SEMA6D: variants seen among roughly 807,000 people sequenced by gnomAD.
SEMA6D encodes the protein semaphorin 6D.
A neutral mutation model predicts 106.6 loss-of-function variants in SEMA6D; 35 were observed. That is an observed-to-expected ratio of 0.33 (90% CI 0.25 to 0.44). SEMA6D has a LOEUF of 0.44. Among genes scored for constraint, SEMA6D ranks in the 20% least tolerant of loss-of-function variants. The pLI, the probability that SEMA6D is intolerant of heterozygous loss-of-function variation, is 1.00. For missense variants in SEMA6D, 1,185 were observed against 1,345.9 expected (o/e 0.88, Z 1.87); for synonymous variants, 499 against 487.7 (o/e 1.02, Z -0.31).
chr15:47,483,297 T>C (rs1038498777), intron 3 of SEMA6D, among the ~76,000 whole-genome samples: 3 of 152,174 alleles, frequency 2.0e-5, no homozygotes, highest in Admixed American at 6.6e-5. Flanking sequence ...CAAAGGTATG[T>C]GCTACGGTTT....
chr15:47,345,754 T>C (rs934851023), intron 1 of SEMA6D, among the ~76,000 whole-genome samples: 16 of 152,170 alleles, frequency 1.1e-4, no homozygotes, highest in Non-Finnish European at 2.2e-4. Flanking sequence ...CTGTATTGCA[T>C]GATTATATTT....
chr15:47,529,051 CAT>C (rs1007167049), intron 3 of SEMA6D, among the ~76,000 whole-genome samples: 1 of 152,054 alleles, frequency 6.6e-6, no homozygotes, highest in African/African-American at 2.4e-5. Flanking sequence ...TTATCAATAA[CAT>C]AAATAGTTGA....
At chr15:47,422,171 C>CCTGCCT (rs1320575462) in intron 2 of SEMA6D, among the ~76,000 whole-genome samples, 1,348 of 123,524 alleles carry the variant, frequency 0.011, 147 homozygotes, top group South Asian at 0.028. Context: ...TTTGCCCGCC[C>CCTGCCT]GCCTGCCTGC....
At chr15:47,736,944 G>C (rs1153821) in intron 1 of SEMA6D, among the ~76,000 whole-genome samples, 1 of 152,158 alleles carries the variant, frequency 6.6e-6, no homozygotes, top group African/African-American at 2.4e-5. Flanking sequence ...CCAAGAGAAC[G>C]GCGGTGATTT....
rs1329873667 is a variant in SEMA6D at position 47,771,604 on chromosome 15, G to A, written c.3041G>A (p.Gly1014Glu). The A allele has an allele frequency of 1.9e-6, 3 of 1,614,084 alleles. No individual in the cohort carries two copies. Among genetic ancestry groups the A allele is most frequent in the Non-Finnish European group, 1.7e-6 (2 of 1,179,970 alleles). ...GGGGCGAAGGTGGACTATATTCAGG[G>A]AACACCAGTGAGTGTTCATCTGCAG... is the stretch of plus-strand genomic sequence containing the variant. Reference protein sequence around the residue: ...PTGAKVDYIQGTPVSVHLQPS... With the variant: ...PTGAKVDYIQETPVSVHLQPS... Residue 1014 changes from glycine to glutamate, a missense_variant, in exon 19 of 19, where the codon GGA (glycine) becomes GAA (glutamate). Coordinates refer to ENST00000536845, the MANE Select transcript of SEMA6D (RefSeq NM_001358351.3).
At chr15:47,350,668 T>A (rs965174730) in intron 1 of SEMA6D, among the ~76,000 whole-genome samples, 14 of 152,310 alleles carry the variant, frequency 9.2e-5, no homozygotes, top group African/African-American at 3.4e-4. Flanking sequence ...TGGTAAAGCT[T>A]CATTTGTATT....
intron 4 of SEMA6D, among the ~76,000 whole-genome samples, chr15:47,633,350 C>T (rs2077325502): frequency 6.6e-6 from 1 of 152,030 alleles, no homozygotes; most frequent in African/African-American, 2.4e-5. Context: ...TTTCCTTTGT[C>T]TGAGAATGTC....
intron 1 of SEMA6D, among the ~76,000 whole-genome samples, chr15:47,394,809 C>A (rs2040155150): frequency 6.6e-6 from 1 of 152,156 alleles, no homozygotes; most frequent in Non-Finnish European, 1.5e-5. Flanking sequence ...GCCACACGTG[C>A]AAATTACCAT....
intron 2 of SEMA6D, among the ~76,000 whole-genome samples, chr15:47,439,389 T>C (rs1232899779): frequency 6.6e-6 from 1 of 152,132 alleles, no homozygotes; most frequent in Non-Finnish European, 1.5e-5. Flanking sequence ...AATTATAAGA[T>C]ACTCAAGATT....
chr15:47,758,520 C>T (rs967889577), intron 1 of SEMA6D, among the ~76,000 whole-genome samples: 26 of 151,922 alleles, frequency 1.7e-4, no homozygotes, highest in Admixed American at 1.6e-3. Context: ...CCAACAGGGC[C>T]CTAATTCATC....
chr15:47,504,127 A>G (rs556973678), intron 3 of SEMA6D, among the ~76,000 whole-genome samples: 1 of 152,298 alleles, frequency 6.6e-6, no homozygotes, highest in South Asian at 2.1e-4. Flanking sequence ...GAGATGGTAC[A>G]TTGCCAGGCA....
chr15:47,648,229 G>T (rs1395426213), intron 4 of SEMA6D, among the ~76,000 whole-genome samples: 1 of 152,178 alleles, frequency 6.6e-6, no homozygotes, highest in East Asian at 1.9e-4. Context: ...TGTCTGTGTG[G>T]AGTTGGCACA....
intron 1 of SEMA6D, among the ~76,000 whole-genome samples, chr15:47,728,948 T>C (rs760821096): frequency 6.6e-6 from 1 of 152,206 alleles, no homozygotes; most frequent in Admixed American, 6.5e-5. Context: ...CATTACTTAA[T>C]TATAATGCAG....
intron 3 of SEMA6D, among the ~76,000 whole-genome samples, chr15:47,572,378 A>G (rs1011969770): frequency 6.6e-6 from 1 of 152,248 alleles, no homozygotes; most frequent in Non-Finnish European, 1.5e-5. Context: ...ACACAAATAC[A>G]GAACAGTGCC....
intron 1 of SEMA6D, among the ~76,000 whole-genome samples, chr15:47,261,619 T>G (rs1024483152): frequency 1.3e-5 from 2 of 152,142 alleles, no homozygotes; most frequent in Non-Finnish European, 2.9e-5. Context: ...TTTAAAACAT[T>G]TTCATCACCT....
intron 1 of SEMA6D, among the ~76,000 whole-genome samples, chr15:47,229,875 G>C (rs972500252): frequency 6.6e-6 from 1 of 152,066 alleles, no homozygotes; most frequent in Non-Finnish European, 1.5e-5. Flanking sequence ...TTTGGTCAAA[G>C]TCTGCTTTGG....
chr15:47,426,469 C>G lies in SEMA6D; in HGVS notation c.-159+13997C>G, dbSNP rs2041342808. ...TATTAGGATTAATTGAATCACCTGT[C>G]TTCTAGTCCGACATTGTGGGGTACG... On this transcript the variant is annotated intron_variant, in intron 2 of 19. Transcript: ENST00000558014. 3.9e-5 allele frequency among the ~76,000 whole-genome samples: 6 copies of G among 152,242 alleles called. No homozygotes were observed. In the South Asian group the frequency reaches 1.2e-3, roughly 32 times the overall value.
intron 1 of SEMA6D, among the ~76,000 whole-genome samples, chr15:47,744,582 C>A (rs536111332): frequency 5.6e-4 from 85 of 152,272 alleles, no homozygotes; most frequent in African/African-American, 1.9e-3. Context: ...GGAAAATGCA[C>A]CCTCTGCCAT....
intron 3 of SEMA6D, among the ~76,000 whole-genome samples, chr15:47,507,758 G>A (rs750826059): frequency 2.0e-5 from 3 of 152,124 alleles, no homozygotes; most frequent in Non-Finnish European, 2.9e-5. Context: ...CCAGGCATAC[G>A]TACATTTAGA....
Sources: gnomAD v4.1 joint callset for allele counts (sites outside exome capture counted in the v4.1 genomes callset) on GRCh38, gnomAD v4.1.1 for gene constraint, MANE v1.5 for transcripts, NCBI Gene and HGNC (gene_info 2026-07-23, HGNC 2026-07-21) for gene names.